The following FYN variants were observed in gnomAD, a reference collection of about 807,000 sequenced individuals.
The protein encoded by FYN is FYN proto-oncogene, Src family tyrosine kinase, also known as tyrosine-protein kinase Fyn.
Under a neutral mutation model 70.2 loss-of-function variants are expected in FYN, and 10 were observed. The observed-to-expected ratio is 0.14, with a 90% CI of 0.09 to 0.24. FYN has a LOEUF of 0.24. Among genes scored for constraint, FYN ranks in the 10% least tolerant of loss-of-function variants. The probability of loss-of-function intolerance (pLI) is 1.00; values close to 1 mark genes in which losing one functional copy is unlikely to be tolerated. For missense variants in FYN, 319 were observed against 673.1 expected, an observed-to-expected ratio of 0.47 and a Z score of 5.82; for synonymous variants, 236 against 248.6, an observed-to-expected ratio of 0.95 and a Z score of 0.48.
chr6:111,831,077 C>T (rs996081115), intron 2 of FYN, among the ~76,000 whole-genome samples: 2 of 152,076 alleles, frequency 1.3e-5, no homozygotes, highest in South Asian at 4.2e-4. Context: ...TATCAGTGTG[C>T]GTATACATGT....
At chr6:111,787,330 C>A (rs967878210) in intron 2 of FYN, among the ~76,000 whole-genome samples, 3 of 152,158 alleles carry the variant, frequency 2.0e-5, no homozygotes, top group Admixed American at 2.0e-4. Flanking sequence ...GGAATCCTTT[C>A]CCCATTTCTT....
intron 12 of FYN, among the ~76,000 whole-genome samples, chr6:111,688,861 C>T (rs781542469): frequency 4.6e-5 from 7 of 151,918 alleles, no homozygotes; most frequent in Admixed American, 1.3e-4. Context: ...CCGCTGTGTC[C>T]GGGGTGAGGG....
chr6:111,820,528 G>A (rs1290599405), intron 2 of FYN, among the ~76,000 whole-genome samples: 3 of 152,040 alleles, frequency 2.0e-5, no homozygotes, highest in Non-Finnish European at 4.4e-5. Flanking sequence ...ATACTAATAT[G>A]TTTACTACAG....
intron 12 of FYN, among the ~76,000 whole-genome samples, chr6:111,690,634 C>A (rs1447886123): frequency 6.6e-6 from 1 of 152,186 alleles, no homozygotes; most frequent in East Asian, 1.9e-4. Flanking sequence ...ACCAGATATA[C>A]CAACAGTAAC....
chr6:111,699,287 A>C (rs1162272522), intron 9 of FYN, among the ~76,000 whole-genome samples: 1 of 152,188 alleles, frequency 6.6e-6, no homozygotes, highest in Non-Finnish European at 1.5e-5. Flanking sequence ...CACCAGATTC[A>C]TAGTGTACTG....
At chr6:111,669,574 G>A (rs1242784304) in intron 13 of FYN, among the ~76,000 whole-genome samples, 2 of 152,062 alleles carry the variant, frequency 1.3e-5, no homozygotes, top group Admixed American at 6.6e-5. Context: ...GGAACATGAT[G>A]TTTGAAATGA....
chr6:111,716,675 A>T (rs1455784579), intron 4 of FYN, among the ~76,000 whole-genome samples: 2 of 152,088 alleles, frequency 1.3e-5, no homozygotes, highest in Non-Finnish European at 2.9e-5. Context: ...TTAGTTAAAC[A>T]TCATATAGTA....
chr6:111,832,181 T>C (rs1359182250), intron 2 of FYN, among the ~76,000 whole-genome samples: 2 of 152,196 alleles, frequency 1.3e-5, no homozygotes, highest in African/African-American at 4.8e-5. Context: ...CAAAGTATAG[T>C]CCCTGGGGAG....
intron 13 of FYN, among the ~76,000 whole-genome samples, chr6:111,667,120 C>A (rs1798044860): frequency 6.6e-6 from 1 of 152,186 alleles, no homozygotes; most frequent in African/African-American, 2.4e-5. Flanking sequence ...TGTAGGGTTG[C>A]CAACAGTGTC....
At chr6:111,704,225 G>T in intron 6 of FYN, 123 bp from the exon 7 acceptor site, 1 of 692,026 alleles carries the variant, frequency 1.4e-6, no homozygotes, top group Admixed American at 2.8e-5. Context: ...CCTTTCCCTG[G>T]ATGTATTTTT....
In FYN at chr6:111,841,972, A is replaced by G. The variant is rs530256731; in HGVS notation, c.-82+4617T>C. Among the ~76,000 whole-genome samples, 3 of 148,688 alleles carry G rather than the reference A, an allele frequency of 2.0e-5. No individual in the cohort carries two copies. The East Asian group carries it at 5.9e-4, about 29-fold the overall frequency. ...TTGAGTCTAAAACAGAATTCTAAGC[A>G]TGTCCCTTCCTCCTAAACACACACA... On this transcript the variant is annotated intron_variant, in intron 2 of 13. Transcript: ENST00000354650.
intron 2 of FYN, among the ~76,000 whole-genome samples, chr6:111,836,711 G>A (rs918343830): frequency 6.6e-6 from 1 of 152,160 alleles, no homozygotes; most frequent in Non-Finnish European, 1.5e-5. Flanking sequence ...GCAGTGAACC[G>A]TGACTGTGTC....
At chr6:111,828,479 C>G (rs376172377) in intron 2 of FYN, among the ~76,000 whole-genome samples, 21 of 152,274 alleles carry the variant, frequency 1.4e-4, no homozygotes, top group African/African-American at 4.3e-4. Flanking sequence ...CAACACTATT[C>G]ACAATAGCCA....
intron 3 of FYN, among the ~76,000 whole-genome samples, chr6:111,727,375 C>T (rs1042490038): frequency 6.6e-6 from 1 of 152,196 alleles, no homozygotes; most frequent in Non-Finnish European, 1.5e-5. Flanking sequence ...TCCTATTGCA[C>T]TTAAAATATG....
At chr6:111,699,523 A>G (rs200051638) in intron 9 of FYN, 286 of 1,613,290 alleles carry the variant, frequency 1.8e-4, no homozygotes, top group Non-Finnish European at 2.2e-4. Context: ...ACCAAGCCAC[A>G]CTTCAGCGAA....
chr6:111,665,498 T>C (rs1797953585), intron 13 of FYN, among the ~76,000 whole-genome samples: 2 of 152,158 alleles, frequency 1.3e-5, no homozygotes, highest in South Asian at 4.1e-4. Flanking sequence ...TGGCTTTACC[T>C]AATACCTGAG....
chr6:111,683,382 A>G (rs1798855796), intron 12 of FYN, among the ~76,000 whole-genome samples: 1 of 152,142 alleles, frequency 6.6e-6, no homozygotes, highest in African/African-American at 2.4e-5. Flanking sequence ...ATCTCCGGAG[A>G]GCTGAACTGC....
At chr6:111,758,247 C>A (rs978034829) in intron 3 of FYN, among the ~76,000 whole-genome samples, 6 of 152,102 alleles carry the variant, frequency 3.9e-5, no homozygotes, top group African/African-American at 1.4e-4. Context: ...ATTCACGGTG[C>A]ACTGCTAAGT....
intron 3 of FYN, among the ~76,000 whole-genome samples, chr6:111,734,268 G>A (rs190570255): frequency 6.4e-4 from 98 of 152,206 alleles, no homozygotes; most frequent in Non-Finnish European, 1.2e-3. Flanking sequence ...GAATTATGAG[G>A]ACTCATGGAA....
Sources: gnomAD v4.1 joint callset for allele counts (sites outside exome capture counted in the v4.1 genomes callset) on GRCh38, gnomAD v4.1.1 for gene constraint, MANE v1.5 for transcripts, NCBI Gene and HGNC (gene_info 2026-07-23, HGNC 2026-07-21) for gene names.